TLE1: variants seen among roughly 807,000 people sequenced by gnomAD.
The protein encoded by TLE1 is transducin-like enhancer protein 1.
Under a neutral mutation model 89.8 loss-of-function variants are expected in TLE1, and 21 were observed. The ratio of observed to expected loss-of-function variants is 0.23; its 90% CI spans 0.17 to 0.34. TLE1 has a LOEUF of 0.34. TLE1 is among the 10% of genes least tolerant of loss of function. The pLI, the probability that TLE1 is intolerant of heterozygous loss-of-function variation, is 1.00. For missense variants in TLE1, 795 were observed against 1,031.2 expected, an observed-to-expected ratio of 0.77 and a Z score of 3.14; for synonymous variants, 447 against 407.6, an observed-to-expected ratio of 1.10 and a Z score of -1.16.
chr9:81,610,312 A>T lies in TLE1; in HGVS notation c.1255-16T>A. 1 of 1,605,828 alleles carries T rather than the reference A, an allele frequency of 6.2e-7. No homozygotes were observed. Among genetic ancestry groups the T allele is most frequent in the Non-Finnish European group, 8.5e-7 (1 of 1,173,146 alleles). On this transcript the variant is annotated splice_polypyrimidine_tract_variant and intron_variant, in intron 13 of 19. Transcript: ENST00000376499. The stretch of plus-strand genomic sequence containing the variant: ...CAAACCCCACCTGGAAACAAAAATA[A>T]GGCATTGCAGACTCAGTTTATTGCA...
At chr9:81,612,311 A>T (rs1166888995) in intron 12 of TLE1, 1 of 1,046,348 alleles carries the variant, frequency 9.6e-7, no homozygotes, top group Non-Finnish European at 1.1e-6. Context: ...TCTCAAAAGA[A>T]GATTTTCTCG....
At chr9:81,619,379 G>A (rs1169784514) in intron 9 of TLE1, among the ~76,000 whole-genome samples, 1 of 152,186 alleles carries the variant, frequency 6.6e-6, no homozygotes, top group Non-Finnish European at 1.5e-5. Context: ...TCGAAGAGCA[G>A]AGATACTACA....
intron 6 of TLE1, among the ~76,000 whole-genome samples, chr9:81,645,744 A>AAAAAT (rs142767138): frequency 1.8e-4 from 27 of 151,752 alleles, no homozygotes; most frequent in African/African-American, 2.4e-4. Flanking sequence ...CTGTCTCCAA[A>AAAAAT]AAAATAAAAT....
chr9:81,637,319 C>T (rs1827511451), intron 6 of TLE1, among the ~76,000 whole-genome samples: 1 of 152,204 alleles, frequency 6.6e-6, no homozygotes, highest in African/African-American at 2.4e-5. Context: ...GATCGTGCCA[C>T]TGCACTCCAG....
rs946462753 is a variant in TLE1, at chr9:81,633,216, G to A, written c.594+132C>T. 54 of 1,433,890 alleles carry A rather than the reference G, an allele frequency of 3.8e-5. No homozygotes were observed. The African/African-American group carries it at 6.9e-4, about 18-fold the overall frequency. 88.8% of individuals were successfully genotyped at this position (1,433,890 alleles called of 1,614,324 possible). A position where few individuals can be genotyped will look rare whatever the true frequency, so the allele number is the denominator to read the frequency against. Reference sequence around the variant, plus strand: ...AAAAAAAGTAAAAGAAAAAAGCCAGGTCACTGAGAGAGACAGGGAGAGTGT... The same window carrying A: ...AAAAAAAGTAAAAGAAAAAAGCCAGATCACTGAGAGAGACAGGGAGAGTGT... On this transcript the variant is annotated intron_variant, in intron 8 of 19. Coordinates refer to ENST00000376499, the MANE Select transcript of TLE1 (RefSeq NM_005077.5).
intron 17 of TLE1, among the ~76,000 whole-genome samples, chr9:81,586,828 G>T (rs1488391544): frequency 1.3e-5 from 2 of 152,074 alleles, no homozygotes; most frequent in Non-Finnish European, 2.9e-5. Context: ...GCTTATGTTG[G>T]GAAAGAGTGA....
Position 81,614,995 on chromosome 9 carries a change from G to C in TLE1, c.918+987C>G, listed in dbSNP as rs568638778. Among the ~76,000 whole-genome samples, 4 of 141,698 alleles carry C rather than the reference G, an allele frequency of 2.8e-5. No homozygotes were observed. In the East Asian group the frequency reaches 9.0e-4, roughly 32 times the overall value. The allele number at this position is 141,698 out of a possible 152,430, so 93.0% of individuals were successfully genotyped here. On this transcript the variant is annotated intron_variant, in intron 11 of 19. Transcript: ENST00000376499. ...AGATTGCCTGAGGTCAGGAGTTCAA[G>C]ACCAGCATGGCCAACATGAAACCCT... is the stretch of plus-strand genomic sequence containing the variant.
Position 81,587,673 on chromosome 9 carries a change from T to G in TLE1, c.1977+8A>C. Reference sequence around the variant, plus strand: ...AGACTCCAGGGCAGGCGGAAGCCACTCAGTCACCTGGGAGGTGAAGTCGTG... The same window carrying G: ...AGACTCCAGGGCAGGCGGAAGCCACGCAGTCACCTGGGAGGTGAAGTCGTG... On this transcript the variant is annotated splice_region_variant and intron_variant, in intron 17 of 19. Transcript: ENST00000376499. The G allele has an allele frequency of 6.2e-7, 1 of 1,607,374 alleles. No homozygotes were observed. Among genetic ancestry groups the G allele is most frequent in the Non-Finnish European group, 8.5e-7 (1 of 1,176,220 alleles).
At chr9:81,609,471 T>C (rs1054366380) in intron 14 of TLE1, among the ~76,000 whole-genome samples, 4 of 152,294 alleles carry the variant, frequency 2.6e-5, no homozygotes, top group Middle Eastern at 6.8e-3. Context: ...TTTAAAAAAT[T>C]TGAGAACTTT....
Position 81,593,029 on chromosome 9 carries a change from C to A in TLE1, c.1577G>T (p.Cys526Phe). 6.2e-7 allele frequency: 1 copy of A among 1,612,356 alleles called. No homozygotes were observed. The highest frequency in any genetic ancestry group is 2.2e-5 in the East Asian group (1 of 44,836). ...CACCAGTTCCTGTTCACTCACCAGA[C>A]AGTCGAGCTGGGAGACAGGGCTCTT... ...GNKSPVSQLD[C>F]LNRDNYIRSC... Residue 526 changes from cysteine to phenylalanine, a missense_variant, in exon 15 of 20, where the codon TGT (cysteine) becomes TTT (phenylalanine). Physicochemically the swap from Cys to Phe is radical, Grantham distance 205. Around this residue, in one of 4 missense-constraint regions of TLE1, gnomAD observed 214 missense variants for 354.9 expected, o/e 0.60. Coordinates refer to ENST00000376499, the MANE Select transcript of TLE1 (RefSeq NM_005077.5).
At chr9:81,685,486 A>C (rs1455590197) in intron 4 of TLE1, among the ~76,000 whole-genome samples, 190 bp downstream of exon 4, 2 of 152,180 alleles carry the variant, frequency 1.3e-5, no homozygotes, top group African/African-American at 4.8e-5. Context: ...CTAGTCATTT[A>C]AACACTTGTA....
At chr9:81,652,411 T>C (rs780400662) in intron 5 of TLE1, 123 bp from the exon 6 acceptor site, 3 of 674,418 alleles carry the variant, frequency 4.4e-6, no homozygotes, top group Non-Finnish European at 7.5e-6. Flanking sequence ...AAATGCAGAA[T>C]TTCTCAACCA....
chr9:81,616,265 A>ATAAATGGT, intron 10 of TLE1, 131 bp from the exon 11 acceptor site: 1 of 1,111,702 alleles, frequency 9.0e-7, no homozygotes, highest in South Asian at 1.6e-5. Flanking sequence ...AAGGTGACCA[A>ATAAATGGT]CACCATGTTA....
intron 6 of TLE1, 108 bp downstream of exon 6, chr9:81,652,106 T>TACACACACACACACACACACACAC (rs3045544): frequency 2.9e-6 from 2 of 696,360 alleles, no homozygotes; most frequent in African/African-American, 4.0e-5. Context: ...AACGTTAAGA[T>TACACACACACACACACACACACAC]ACACACACAC....
intron 4 of TLE1, among the ~76,000 whole-genome samples, chr9:81,680,329 G>C (rs374940230): frequency 1.3e-5 from 2 of 152,286 alleles, no homozygotes; most frequent in South Asian, 2.1e-4. Flanking sequence ...GCAGAAAGAG[G>C]GGGAGGCAAG....
chr9:81,659,291 C>T (rs1016563210), intron 4 of TLE1, among the ~76,000 whole-genome samples: 5 of 152,164 alleles, frequency 3.3e-5, no homozygotes, highest in Non-Finnish European at 7.4e-5. Flanking sequence ...CTGCTGCCTT[C>T]CACCTCTTGC....
chr9:81,607,347 C>A (rs1831833403), intron 14 of TLE1, among the ~76,000 whole-genome samples: 1 of 151,824 alleles, frequency 6.6e-6, no homozygotes, highest in Non-Finnish European at 1.5e-5. Flanking sequence ...TACACACACA[C>A]ACACACACAT....
rs769167514 is a variant in TLE1, at chr9:81,685,924, G to A, written c.126-28C>T. 12 of 1,610,598 alleles carry A rather than the reference G, an allele frequency of 7.5e-6. No homozygotes were observed. In the South Asian group the frequency reaches 1.3e-4, roughly 18 times the overall value. On this transcript the variant is annotated intron_variant, in intron 2 of 19. Transcript: ENST00000376499. ...AGGAAAACAAAACAGGCAACTTAAT[G>A]TAAACATTATGTCACTTGTTTTAAC... is the stretch of plus-strand genomic sequence containing the variant.
chr9:81,652,482 T>C (rs1829679666), intron 5 of TLE1, among the ~76,000 whole-genome samples, 194 bp from the exon 6 acceptor site: 1 of 152,180 alleles, frequency 6.6e-6, no homozygotes, highest in Non-Finnish European at 1.5e-5. Flanking sequence ...CTGCCCTTTA[T>C]TTCTAAACAA....
Sources: allele counts gnomAD v4.1 joint callset (sites outside exome capture counted in the v4.1 genomes callset), GRCh38; gene constraint gnomAD v4.1.1; regional missense constraint gnomAD v4.1.1; transcripts MANE v1.5; gene names NCBI Gene and HGNC (gene_info 2026-07-23, HGNC 2026-07-21).